Variants in ANLN observed in about 807,000 individuals in gnomAD.
The protein encoded by ANLN is anillin, actin binding protein, also known as anillin.
In ANLN, 59 loss-of-function variants were observed where a neutral mutation model predicts 135.1. The observed-to-expected ratio is 0.44, with a 90% CI of 0.35 to 0.54. The LOEUF is 0.54. ANLN is among the 20% of genes least tolerant of loss of function. The probability of loss-of-function intolerance (pLI) is 0.00; values close to 1 mark genes in which losing one functional copy is unlikely to be tolerated. For missense variants in ANLN, 1,182 were observed against 1,340.0 expected (o/e 0.88, Z 1.84); for synonymous variants, 406 against 456.4 (o/e 0.89, Z 1.41).
intron 22 of ANLN, among the ~76,000 whole-genome samples, chr7:36,445,101 C>G (rs868820633): frequency 7.0e-6 from 1 of 143,520 alleles, no homozygotes; most frequent in Non-Finnish European, 1.5e-5. Context: ...TTTTATTATA[C>G]AGATTGAATA....
At chr7:36,412,325 ATATTTTT>A (rs1185756433) in intron 7 of ANLN, among the ~76,000 whole-genome samples, 4 of 109,618 alleles carry the variant, frequency 3.6e-5, no homozygotes, top group Admixed American at 9.6e-5. Flanking sequence ...ATATATATAT[ATATTTTT>A]TTTTTTTTTT....
chr7:36,427,970 A>T (rs974312735), intron 20 of ANLN, among the ~76,000 whole-genome samples: 2 of 152,202 alleles, frequency 1.3e-5, no homozygotes, highest in African/African-American at 4.8e-5. Flanking sequence ...AGAGATGAAG[A>T]AGTGTAAAAA....
At chr7:36,400,579 G>A (rs1258059082) in intron 3 of ANLN, among the ~76,000 whole-genome samples, 1 of 152,094 alleles carries the variant, frequency 6.6e-6, no homozygotes, top group Non-Finnish European at 1.5e-5. Flanking sequence ...GGCCAGGCTG[G>A]TCTCGAACTC....
At chr7:36,450,931 C>T (rs1789217830) in intron 23 of ANLN, among the ~76,000 whole-genome samples, 1 of 152,130 alleles carries the variant, frequency 6.6e-6, no homozygotes, top group Non-Finnish European at 1.5e-5. Flanking sequence ...TCTCCGTAGA[C>T]CTTCCCCTGT....
chr7:36,417,713 T>C (rs940896530), intron 9 of ANLN, among the ~76,000 whole-genome samples: 2 of 140,156 alleles, frequency 1.4e-5, no homozygotes, highest in African/African-American at 5.3e-5. Flanking sequence ...AGTCTCACTC[T>C]GTCGCCCAGA....
intron 1 of ANLN, among the ~76,000 whole-genome samples, chr7:36,391,614 A>G (rs1194228099): frequency 6.6e-6 from 1 of 152,220 alleles, no homozygotes; most frequent in African/African-American, 2.4e-5. Flanking sequence ...TATAGCATTC[A>G]TAACATTTGC....
rs150288346 is a variant in ANLN, at chr7:36,432,617, G to A, written c.2883+5589G>A. ...ACAGTCTGTGTAAGTTATAGAAAACGTTTGCCAACTCGTAGTCTACCATTT... is the reference window on the plus strand; with the variant it reads ...ACAGTCTGTGTAAGTTATAGAAAACATTTGCCAACTCGTAGTCTACCATTT... On this transcript the variant is annotated intron_variant, in intron 20 of 23. Coordinates refer to ENST00000265748, the MANE Select transcript of ANLN (RefSeq NM_018685.5). 1.9e-3 allele frequency among the ~76,000 whole-genome samples: 291 copies of A among 152,262 alleles called. 1 individual carries two copies. The highest frequency in any genetic ancestry group is 6.6e-3 in the African/African-American group (275 of 41,568).
chr7:36,411,417 C>T (rs1288908134), intron 7 of ANLN, among the ~76,000 whole-genome samples: 1 of 152,188 alleles, frequency 6.6e-6, no homozygotes, highest in Non-Finnish European at 1.5e-5. Context: ...TTATTTTCAT[C>T]ATTCATTTGA....
intron 3 of ANLN, among the ~76,000 whole-genome samples, chr7:36,405,908 AT>A (rs1787166734): frequency 6.6e-6 from 1 of 152,204 alleles, no homozygotes; most frequent in Non-Finnish European, 1.5e-5. Flanking sequence ...CCATTAATTC[AT>A]TCTAAAAATA....
chr7:36,409,503 C>A (rs900113971), intron 5 of ANLN, among the ~76,000 whole-genome samples: 2 of 151,872 alleles, frequency 1.3e-5, no homozygotes, highest in Non-Finnish European at 2.9e-5. Context: ...TAGTGCCTGG[C>A]CCTTTATAGG....
At chr7:36,430,658 A>G (rs1788275819) in intron 20 of ANLN, among the ~76,000 whole-genome samples, 1 of 152,218 alleles carries the variant, frequency 6.6e-6, no homozygotes. Flanking sequence ...AATTAGGATT[A>G]TACAGTTTTG....
Position 36,424,742 on chromosome 7 carries a change from G to C in ANLN, c.2709G>C (p.Lys903Asn). 1 of 1,611,166 alleles carries C rather than the reference G, an allele frequency of 6.2e-7. No homozygotes were observed. The highest frequency in any genetic ancestry group is 1.1e-5 in the South Asian group (1 of 90,538). Residue 903 changes from lysine (K) to asparagine (N), a missense_variant and splice_region_variant, in exon 17 of 24, where the codon AAG (lysine) becomes AAC (asparagine). Around this residue, in one of 3 missense-constraint regions of ANLN, gnomAD observed 1,022 missense variants for 1,134.0 expected, o/e 0.90. Coordinates refer to ENST00000265748, the MANE Select transcript of ANLN (RefSeq NM_018685.5). ...AGAAGAAAAAAACATCCAAGTCCAA[G>C]GTGAGAATTAAAGAAACCCAGTAAA... ...LDKKKKTSKS[K>N]AITPKRLLTS...
Position 36,445,502 on chromosome 7 carries a change from G to A in ANLN, c.3078+1640G>A, listed in dbSNP as rs1250084488. Among the ~76,000 whole-genome samples, 6 of 152,116 alleles carry A rather than the reference G, an allele frequency of 3.9e-5. No homozygotes were observed. The South Asian group carries it at 6.2e-4, about 16-fold the overall frequency. ...TTGTGAAATTTGTCTGGGGTGGTAT[G>A]TGTAGCTTTAGATTGTCCCCTCTTC... On this transcript the variant is annotated intron_variant, in intron 22 of 23. Transcript: ENST00000265748.
At chr7:36,396,872 T>G (rs1786723046) in intron 2 of ANLN, among the ~76,000 whole-genome samples, 1 of 152,166 alleles carries the variant, frequency 6.6e-6, no homozygotes, top group Non-Finnish European at 1.5e-5. Flanking sequence ...CTCTATTTGC[T>G]GAACCAACTC....
intron 20 of ANLN, among the ~76,000 whole-genome samples, chr7:36,436,083 G>C (rs1788539818): frequency 6.6e-6 from 1 of 151,982 alleles, no homozygotes; most frequent in African/African-American, 2.4e-5. Flanking sequence ...GTCTCTAAAA[G>C]TAAAAAGTCT....
At chr7:36,415,610 T>G (rs1271400044) in intron 7 of ANLN, 148 bp from the exon 8 acceptor site, 1 of 789,052 alleles carries the variant, frequency 1.3e-6, no homozygotes, top group Non-Finnish European at 1.8e-6. Flanking sequence ...TGAACAAGGC[T>G]GGGCCTATTC....
At chr7:36,438,079 G>A (rs865934803) in intron 20 of ANLN, among the ~76,000 whole-genome samples, 13 of 151,972 alleles carry the variant, frequency 8.6e-5, no homozygotes, top group African/African-American at 2.9e-4. Flanking sequence ...GTGAGCCACC[G>A]CGCCCAGCCT....
In ANLN at chr7:36,419,348, A is replaced by G. The variant is rs749303999; in HGVS notation, c.1738A>G (p.Met580Val). Residue 580 changes from methionine to valine, a missense_variant, in exon 10 of 24, where the codon ATG becomes GTG. Transcript: ENST00000265748. ...TGTCCTAGAGGAAGGTGAACTAGAT[A>G]TGGAGAAGAGCCAAGAGGAGATGGA... The part of the protein sequence containing the change: ...SDVLEEGELD[M>V]EKSQEEMDQA... 5 of 1,614,158 alleles carry G rather than the reference A, an allele frequency of 3.1e-6. No individual in the cohort carries two copies. The highest frequency in any genetic ancestry group is 4.2e-6 in the Non-Finnish European group (5 of 1,180,000).
At chr7:36,411,585 T>G (rs911840688) in intron 7 of ANLN, among the ~76,000 whole-genome samples, 1 of 152,214 alleles carries the variant, frequency 6.6e-6, no homozygotes, top group Admixed American at 6.5e-5. Flanking sequence ...TTGCTCTTTA[T>G]TCCGGTCAAA....
Sources: allele counts gnomAD v4.1 joint callset (sites outside exome capture counted in the v4.1 genomes callset), GRCh38; gene constraint gnomAD v4.1.1; regional missense constraint gnomAD v4.1.1; transcripts MANE v1.5; gene names NCBI Gene and HGNC (gene_info 2026-07-23, HGNC 2026-07-21).